CCDC73: variants seen among roughly 807,000 people sequenced by gnomAD.
The protein encoded by CCDC73 is coiled-coil domain-containing protein 73.
CCDC73 carries 95 observed loss-of-function variants against 116.5 expected under a neutral mutation model. The ratio of observed to expected loss-of-function variants is 0.82; its 90% CI spans 0.69 to 0.97. CCDC73 has a LOEUF of 0.97. CCDC73 is among the 50% of genes least tolerant of loss of function. The pLI is 0.00. For synonymous variants in CCDC73, 398 were observed against 401.3 expected (o/e 0.99, Z 0.10); for missense variants, 1,066 against 1,206.8 (o/e 0.88, Z 1.73).
At chr11:32,662,174 C>A (rs11031924) in intron 9 of CCDC73, among the ~76,000 whole-genome samples, 84 of 152,122 alleles carry the variant, frequency 5.5e-4, no homozygotes, top group East Asian at 1.2e-3. Flanking sequence ...TAGCAGCATG[C>A]TTTATAATCC....
chr11:32,763,499 G>C (rs1050655031), intron 1 of CCDC73, among the ~76,000 whole-genome samples: 2 of 152,216 alleles, frequency 1.3e-5, no homozygotes, highest in African/African-American at 4.8e-5. Flanking sequence ...TGGTGTACCT[G>C]AAAGGGTCTT....
intron 2 of CCDC73, among the ~76,000 whole-genome samples, chr11:32,750,261 G>A (rs1458990519): frequency 1.3e-5 from 2 of 152,078 alleles, no homozygotes; most frequent in African/African-American, 4.8e-5. Flanking sequence ...CCCCTGTGAC[G>A]ACCACCACTG....
chr11:32,667,184 C>A (rs1313398707), intron 9 of CCDC73, among the ~76,000 whole-genome samples: 1 of 152,174 alleles, frequency 6.6e-6, no homozygotes, highest in Non-Finnish European at 1.5e-5. Flanking sequence ...CTACTCTCTT[C>A]GAAGCTGTCA....
intron 7 of CCDC73, among the ~76,000 whole-genome samples, chr11:32,679,177 T>C (rs1479544065): frequency 5.9e-5 from 9 of 152,132 alleles, no homozygotes; most frequent in Admixed American, 5.2e-4. Flanking sequence ...GGAGAGCTTA[T>C]GCCTACCTGG....
chr11:32,747,301 G>C (rs1489714596), intron 2 of CCDC73, among the ~76,000 whole-genome samples: 1 of 152,122 alleles, frequency 6.6e-6, no homozygotes, highest in Non-Finnish European at 1.5e-5. Context: ...TCCTCTGGAA[G>C]CTTCGTCCCA....
At chr11:32,777,014 TATATATATA>T (rs1850542775) in intron 1 of CCDC73, among the ~76,000 whole-genome samples, 1 of 137,558 alleles carries the variant, frequency 7.3e-6, no homozygotes, top group South Asian at 2.2e-4. Flanking sequence ...TATATATATA[TATATATATA>T]ATTGAACTTA....
At chr11:32,752,017 G>T (rs757119655) in intron 2 of CCDC73, among the ~76,000 whole-genome samples, 1 of 152,168 alleles carries the variant, frequency 6.6e-6, no homozygotes, top group Non-Finnish European at 1.5e-5. Context: ...AAATGACAGT[G>T]ACTTCCGCTC....
intron 3 of CCDC73, among the ~76,000 whole-genome samples, chr11:32,716,642 G>C (rs548589797): frequency 6.6e-6 from 1 of 152,266 alleles, no homozygotes; most frequent in East Asian, 1.9e-4. Context: ...GCTCACTACA[G>C]CCTCAAATTC....
At chr11:32,733,427 C>T (rs957318211) in intron 2 of CCDC73, among the ~76,000 whole-genome samples, 2 of 152,212 alleles carry the variant, frequency 1.3e-5, no homozygotes, top group African/African-American at 4.8e-5. Context: ...ACCTAAGAGA[C>T]ATCTACAGAA....
rs143563542 is a variant in CCDC73, at chr11:32,734,855, C to T, written c.136-16708G>A. ...TGGGCTTCATCCCTGGGATGCAAGG[C>T]TGGTTCAACATATACAAATCATTAA... On this transcript the variant is annotated intron_variant, in intron 2 of 17. Transcript: ENST00000335185. Among the ~76,000 whole-genome samples, 1,038 of 152,226 alleles carry T rather than the reference C, an allele frequency of 6.8e-3. 16 individuals carry two copies. The highest frequency in any genetic ancestry group is 0.024 in the African/African-American group (999 of 41,548).
intron 2 of CCDC73, among the ~76,000 whole-genome samples, chr11:32,721,057 C>T (rs1441520011): frequency 1.3e-5 from 2 of 152,184 alleles, no homozygotes; most frequent in Admixed American, 6.5e-5. Flanking sequence ...CTCGCTCTGT[C>T]ACCCAGATCC....
Position 32,699,296 on chromosome 11 carries a change from C to CT in CCDC73, c.344dup (p.Glu116GlyfsTer18). On this transcript the variant is annotated frameshift_variant, in exon 6 of 18. Coordinates refer to ENST00000335185, the MANE Select transcript of CCDC73 (RefSeq NM_001008391.4). LOFTEE classifies it high-confidence loss of function. ...CCTTCAATCCTTCTATTTCTTTTTC[C>CT]TTTATTTCTGTAGCAAGTTGATATT... 2 of 1,574,712 alleles carry CT rather than the reference C, an allele frequency of 1.3e-6. No individual in the cohort carries two copies. The highest frequency in any genetic ancestry group is 1.7e-6 in the Non-Finnish European group (2 of 1,156,354).
intron 10 of CCDC73, 85 bp downstream of exon 10, chr11:32,654,759 G>A: frequency 7.0e-6 from 7 of 1,004,980 alleles, no homozygotes; most frequent in Middle Eastern, 3.2e-4. Context: ...TGCAAAGGCG[G>A]AGTATTTTTG....
At chr11:32,604,450 T>G (rs1855319393) in intron 17 of CCDC73, 2 of 152,192 alleles carry the variant, frequency 1.3e-5, no homozygotes, top group African/African-American at 2.4e-5. Context: ...TTTAGAAATA[T>G]GAAACAGGAT....
intron 2 of CCDC73, among the ~76,000 whole-genome samples, chr11:32,737,793 A>AT (rs201924135): frequency 0.05 from 7,486 of 148,668 alleles, 204 homozygotes; most frequent in African/African-American, 0.073. Flanking sequence ...ATTCAGTCTT[A>AT]TTTTTTTTTG....
chr11:32,664,637 T>A (rs981622843), intron 9 of CCDC73, among the ~76,000 whole-genome samples: 4 of 152,216 alleles, frequency 2.6e-5, no homozygotes, highest in Non-Finnish European at 2.9e-5. Flanking sequence ...AGCTGCTGCA[T>A]TCAATGATAT....
chr11:32,632,531 G>A (rs186710983), intron 14 of CCDC73, among the ~76,000 whole-genome samples: 28 of 152,196 alleles, frequency 1.8e-4, no homozygotes, highest in African/African-American at 6.3e-4. Context: ...CGGCCGGTTG[G>A]TGGAATGTTT....
At chr11:32,744,387 T>TG in intron 2 of CCDC73, among the ~76,000 whole-genome samples, 1 of 152,320 alleles carries the variant, frequency 6.6e-6, no homozygotes, top group African/African-American at 2.4e-5. Flanking sequence ...ATTGTGTCTC[T>TG]GCCAGGCTTT....
chr11:32,680,605 T>A (rs1361293985), intron 7 of CCDC73: 1 of 152,058 alleles, frequency 6.6e-6, no homozygotes, highest in Non-Finnish European at 1.5e-5. Context: ...GTAAAAATAT[T>A]TACACACAAC....
Sources: gnomAD v4.1 joint callset for allele counts (sites outside exome capture counted in the v4.1 genomes callset) on GRCh38, gnomAD v4.1.1 for gene constraint, MANE v1.5 for transcripts, NCBI Gene and HGNC (gene_info 2026-07-23, HGNC 2026-07-21) for gene names.